The following NRDE2 variants were observed in gnomAD, a reference collection of about 807,000 sequenced individuals.
NRDE2 encodes NRDE-2, necessary for RNA interference, domain containing, also known as nuclear exosome regulator NRDE2.
A neutral mutation model predicts 124.2 loss-of-function variants in NRDE2; 76 were observed. That is an observed-to-expected ratio of 0.61 (90% CI 0.51 to 0.74). The LOEUF is 0.74. NRDE2 is among the 30% of genes least tolerant of loss of function. The probability of loss-of-function intolerance (pLI) is 0.00; values close to 1 mark genes in which losing one functional copy is unlikely to be tolerated. For missense variants in NRDE2, 1,314 were observed against 1,417.3 expected (o/e 0.93, Z 1.17); for synonymous variants, 489 against 528.1 (o/e 0.93, Z 1.01).
In NRDE2 at chr14:90,317,322, G is replaced by A. The variant is rs73318678; in HGVS notation, c.174-511C>T. On this transcript the variant is annotated intron_variant, in intron 2 of 13. Transcript: ENST00000354366. ...GTTTATTTTCAGTGCCACATATTAT[G>A]TCAACATGTTGTTAATAAAAAAACC... is the stretch of plus-strand genomic sequence containing the variant. Among the ~76,000 whole-genome samples the A allele has an allele frequency of 7.9e-3, 1,195 of 152,192 alleles. 12 individuals are homozygous for A. Among genetic ancestry groups the A allele is most frequent in the African/African-American group, 0.027 (1,119 of 41,536 alleles).
intron 12 of NRDE2, among the ~76,000 whole-genome samples, chr14:90,285,004 C>T (rs545947001): frequency 5.3e-5 from 8 of 151,966 alleles, no homozygotes; most frequent in Admixed American, 4.6e-4. Context: ...TTAGGCCGGG[C>T]GCAGTGGCTC....
chr14:90,292,188 G>A (rs1320548845), intron 9 of NRDE2, among the ~76,000 whole-genome samples: 1 of 152,150 alleles, frequency 6.6e-6, no homozygotes, highest in Non-Finnish European at 1.5e-5. Context: ...TTCTTCTTCC[G>A]CAAGACACGC....
At position 90,314,263 on chromosome 14, in the gene NRDE2, C is replaced by T. The variant is rs191497671; in HGVS notation, c.408-1720G>A. 1.7e-3 allele frequency among the ~76,000 whole-genome samples: 252 copies of T among 152,294 alleles called. 1 individual carries two copies. Among genetic ancestry groups the T allele is most frequent in the African/African-American group, 5.8e-3 (243 of 41,554 alleles). On this transcript the variant is annotated intron_variant, in intron 3 of 13. Coordinates refer to ENST00000354366, the MANE Select transcript of NRDE2 (RefSeq NM_017970.4). ...AGTCTCATAGGGTCTGCTACCCTCACGAACCCACTTTCCTGACATCACAGA... is the reference window on the plus strand; with the variant it reads ...AGTCTCATAGGGTCTGCTACCCTCATGAACCCACTTTCCTGACATCACAGA...
rs1891563460 is a variant in NRDE2, at chr14:90,268,038, A to G, written c.*10298T>C. 2.0e-6 allele frequency: 1 copy of G among 512,642 alleles called. No homozygotes were observed. The highest frequency in any genetic ancestry group is 2.0e-5 in the African/African-American group (1 of 50,908). The allele number at this position is 512,642 out of a possible 1,614,324, so 31.8% of individuals were successfully genotyped here. On this transcript the variant is annotated 3_prime_UTR_variant, in exon 14 of 14. Coordinates refer to ENST00000354366, the MANE Select transcript of NRDE2 (RefSeq NM_017970.4). ...AAGGATAATCCAAACATGTTAGTAG[A>G]TTTTTCTAAATGTCCTCTTATCTAC...
chr14:90,296,880 G>A (rs1043661014), intron 8 of NRDE2, among the ~76,000 whole-genome samples: 17 of 151,876 alleles, frequency 1.1e-4, no homozygotes, highest in Non-Finnish European at 2.1e-4. Flanking sequence ...GGCTCACATC[G>A]GAAATCCCAG....
chr14:90,320,559 G>A (rs1440677667), intron 1 of NRDE2, among the ~76,000 whole-genome samples: 2 of 152,194 alleles, frequency 1.3e-5, no homozygotes, highest in Admixed American at 6.5e-5. Context: ...ATCTTAGTAT[G>A]GAGGAGATAC....
chr14:90,269,704 G>A lies in NRDE2; in HGVS notation c.*8632C>T, dbSNP rs1891612593. On this transcript the variant is annotated 3_prime_UTR_variant, in exon 14 of 14. Transcript: ENST00000354366. ...AAAAATAGGTCCTCTTGAGATGAGG[G>A]TTAAAACAGAGCATGATATGGTCTG... 2.7e-6 allele frequency: 2 copies of A among 731,200 alleles called. No individual in the cohort carries two copies. The highest frequency in any genetic ancestry group is 1.8e-5 in the African/African-American group (1 of 54,176). 45.3% of individuals were successfully genotyped at this position (731,200 alleles called of 1,614,324 possible).
At position 90,268,039 on chromosome 14, in the gene NRDE2, T is replaced by G; in HGVS notation, c.*10297A>C. The stretch of plus-strand genomic sequence containing the variant: ...AGGATAATCCAAACATGTTAGTAGA[T>G]TTTTCTAAATGTCCTCTTATCTACT... On this transcript the variant is annotated 3_prime_UTR_variant, in exon 14 of 14. Coordinates refer to ENST00000354366, the MANE Select transcript of NRDE2 (RefSeq NM_017970.4). The G allele has an allele frequency of 2.0e-6, 1 of 512,686 alleles. No individual in the cohort carries two copies. Among genetic ancestry groups the G allele is most frequent in the Non-Finnish European group, 3.4e-6 (1 of 293,984 alleles). 31.8% of individuals were successfully genotyped at this position (512,686 alleles called of 1,614,324 possible). A position where few individuals can be genotyped will look rare whatever the true frequency, so the allele number is the denominator to read the frequency against.
chr14:90,299,843 A>G (rs1366149967), intron 7 of NRDE2, among the ~76,000 whole-genome samples: 1 of 152,206 alleles, frequency 6.6e-6, no homozygotes, highest in African/African-American at 2.4e-5. Context: ...AAATGAGTAT[A>G]ATCTATTTGT....
chr14:90,308,340 T>C (rs1884694415), intron 4 of NRDE2, among the ~76,000 whole-genome samples: 1 of 152,310 alleles, frequency 6.6e-6, no homozygotes, highest in South Asian at 2.1e-4. Context: ...AATACTCCCA[T>C]ACACAGTGTC....
intron 6 of NRDE2, among the ~76,000 whole-genome samples, chr14:90,301,964 T>G (rs949678402): frequency 6.6e-6 from 1 of 152,214 alleles, no homozygotes; most frequent in African/African-American, 2.4e-5. Context: ...TTGAGAGCAA[T>G]GTATTTCTAT....
chr14:90,316,556 G>GT lies in NRDE2; in HGVS notation c.407+21dup, dbSNP rs759394633. 8 of 1,519,646 alleles carry GT rather than the reference G, an allele frequency of 5.3e-6. No homozygotes were observed. In the African/African-American group the frequency reaches 1.1e-4, roughly 21 times the overall value. 94.1% of individuals were successfully genotyped at this position (1,519,646 alleles called of 1,614,324 possible). A position where few individuals can be genotyped will look rare whatever the true frequency, so the allele number is the denominator to read the frequency against. ...AAACTCAAGACTTAAAATATCATAGGTGCTTGAGAACAGCAACCTACTTCG... is the reference window on the plus strand; with the variant it reads ...AAACTCAAGACTTAAAATATCATAGGTTGCTTGAGAACAGCAACCTACTTCG... On this transcript the variant is annotated intron_variant, in intron 3 of 13. Coordinates refer to ENST00000354366, the MANE Select transcript of NRDE2 (RefSeq NM_017970.4).
Position 90,268,559 on chromosome 14 carries a change from T to A in NRDE2, c.*9777A>T. ...TCCATGCATGCTTTAGGCTCTGCTC[T>A]CCCAGGAGCCAGCTAACAACTGCCC... On this transcript the variant is annotated 3_prime_UTR_variant, in exon 14 of 14. Coordinates refer to ENST00000354366, the MANE Select transcript of NRDE2 (RefSeq NM_017970.4). The A allele has an allele frequency of 1.4e-6, 1 of 736,346 alleles. No homozygotes were observed. Among genetic ancestry groups the A allele is most frequent in the Non-Finnish European group, 2.3e-6 (1 of 443,932 alleles). The allele number at this position is 736,346 out of a possible 1,614,324, so 45.6% of individuals were successfully genotyped here. A position where few individuals can be genotyped will look rare whatever the true frequency, so the allele number is the denominator to read the frequency against.
chr14:90,322,546 A>T lies in NRDE2; in HGVS notation c.65-4433T>A, dbSNP rs1047112974. Among the ~76,000 whole-genome samples the T allele has an allele frequency of 3.9e-5, 6 of 152,356 alleles. No individual in the cohort carries two copies. In the South Asian group the frequency reaches 1.0e-3, roughly 26 times the overall value. On this transcript the variant is annotated intron_variant, in intron 1 of 13. Coordinates refer to ENST00000354366, the MANE Select transcript of NRDE2 (RefSeq NM_017970.4). ...TGAAGAAATTAGAAATCTTCAAAAAAAAATCCATTATCTAGGTATAAAGTA... is the reference window on the plus strand; with the variant it reads ...TGAAGAAATTAGAAATCTTCAAAAATAAATCCATTATCTAGGTATAAAGTA...
intron 1 of NRDE2, among the ~76,000 whole-genome samples, chr14:90,330,243 GTAAT>G (rs1213150279): frequency 2.3e-5 from 1 of 42,992 alleles, no homozygotes; most frequent in South Asian, 7.1e-4. Flanking sequence ...ATAAAAAGAA[GTAAT>G]TAATCCTGCA....
rs745963878 is a variant in NRDE2, at chr14:90,278,467, G to T, written c.3370-6C>A. On this transcript the variant is annotated splice_polypyrimidine_tract_variant and splice_region_variant and intron_variant, in intron 13 of 13. Coordinates refer to ENST00000354366, the MANE Select transcript of NRDE2 (RefSeq NM_017970.4). ...ACGGCGTCCAGGTACAACACCTAGGGGGCAGGCAGGAAGGCCGCCCCACTC... is the reference window on the plus strand; with the variant it reads ...ACGGCGTCCAGGTACAACACCTAGGTGGCAGGCAGGAAGGCCGCCCCACTC... 6 of 1,613,560 alleles carry T rather than the reference G, an allele frequency of 3.7e-6. No individual in the cohort carries two copies. Among genetic ancestry groups the T allele is most frequent in the African/African-American group, 1.3e-5 (1 of 74,914 alleles).
At position 90,288,538 on chromosome 14, in the gene NRDE2, C is replaced by T. The variant is rs761640216; in HGVS notation, c.2837G>A (p.Gly946Glu). The T allele has an allele frequency of 6.2e-7, 1 of 1,614,156 alleles. No individual in the cohort carries two copies. Among genetic ancestry groups the T allele is most frequent in the Non-Finnish European group, 8.5e-7 (1 of 1,179,988 alleles). The change falls in exon 11 of 14, where the codon GGG becomes GAG. Residue 946 changes from glycine to glutamate, a missense_variant. Physicochemically the swap from Gly to Glu is moderately conservative, Grantham distance 98. Transcript: ENST00000354366. The stretch of plus-strand genomic sequence containing the variant: ...CCAACTCTGGGAGCTGGCACTGTCC[C>T]CCTCGCCAGAGCCTTCTGGGAAAAC... ...SSVFPEGSGE[G>E]DSASSQSWTS... is the part of the protein sequence containing the mutation.
chr14:90,327,885 T>C (rs1023188085), intron 1 of NRDE2, among the ~76,000 whole-genome samples: 1 of 152,116 alleles, frequency 6.6e-6, no homozygotes, highest in African/African-American at 2.4e-5. Context: ...GGCTCACACC[T>C]GTAATCCCAG....
At position 90,310,592 on chromosome 14, in the gene NRDE2, C is replaced by T. The variant is rs142107651; in HGVS notation, c.557+1802G>A. 3.5e-3 allele frequency among the ~76,000 whole-genome samples: 522 copies of T among 150,970 alleles called. 3 individuals are homozygous for T. Among genetic ancestry groups the T allele is most frequent in the African/African-American group, 0.012 (476 of 41,106 alleles). Reference sequence around the variant, plus strand: ...CTGGAGTGCAGTGGCACAATCTTGGCTCACTGCAACCTCCATCTCCCAGGT... The same window carrying T: ...CTGGAGTGCAGTGGCACAATCTTGGTTCACTGCAACCTCCATCTCCCAGGT... On this transcript the variant is annotated intron_variant, in intron 4 of 13. Transcript: ENST00000354366.
Sources: allele counts gnomAD v4.1 joint callset (sites outside exome capture counted in the v4.1 genomes callset), GRCh38; gene constraint gnomAD v4.1.1; transcripts MANE v1.5; gene names NCBI Gene and HGNC (gene_info 2026-07-23, HGNC 2026-07-21).